The following CAPN2 variants were observed in gnomAD, a reference collection of about 807,000 sequenced individuals.
CAPN2 encodes the protein calpain-2 catalytic subunit.
In CAPN2, 92 loss-of-function variants were observed where a neutral mutation model predicts 102.3. The observed-to-expected ratio is 0.90, with a 90% CI of 0.76 to 1.07. CAPN2 has a LOEUF of 1.07. Among genes scored for constraint, CAPN2 ranks in the 50% least tolerant of loss-of-function variants. The pLI is 0.00. For synonymous variants in CAPN2, 340 were observed against 355.4 expected (o/e 0.96, Z 0.49); for missense variants, 800 against 909.4 (o/e 0.88, Z 1.55).
At chr1:223,750,842 C>G (rs943396665) in intron 6 of CAPN2, 48 bp from the exon 7 acceptor site, 2 of 1,527,320 alleles carry the variant, frequency 1.3e-6, no homozygotes, top group Middle Eastern at 1.7e-4. Context: ...CTTCATAGCC[C>G]TGACTTGAAC....
chr1:223,731,091 G>C lies in CAPN2; in HGVS notation c.308-13009G>C, dbSNP rs1252517729. ...GAGTCAGTGTGAGGATCTGGGAGGG[G>C]AACAGTAAGGGGTTAAGAGAGATAC... On this transcript the variant is annotated intron_variant, in intron 2 of 20. Coordinates refer to ENST00000295006, the MANE Select transcript of CAPN2 (RefSeq NM_001748.5). The surrounding 1 kb of genome is among the most constrained non-coding windows in gnomAD (Gnocchi z 4.2). Among the ~76,000 whole-genome samples the C allele has an allele frequency of 1.3e-5, 2 of 152,160 alleles. No homozygotes were observed. The highest frequency in any genetic ancestry group is 4.8e-5 in the African/African-American group (2 of 41,422).
intron 16 of CAPN2, among the ~76,000 whole-genome samples, chr1:223,769,319 C>T (rs1661412380): frequency 6.6e-6 from 1 of 152,096 alleles, no homozygotes; most frequent in African/African-American, 2.4e-5. Context: ...CAGGGTTTCA[C>T]CGTGTTGGCC....
rs556112273 is a variant in CAPN2, at chr1:223,744,532, TC to T, written c.426+315del. ...ATGTTTGAGACAAAAACGTTGAAGT[TC>T]TCCTCCTTTTATGCCGGTAAATGAG... is the stretch of plus-strand genomic sequence containing the variant. On this transcript the variant is annotated intron_variant, in intron 3 of 20. Coordinates refer to ENST00000295006, the MANE Select transcript of CAPN2 (RefSeq NM_001748.5). Among the ~76,000 whole-genome samples, 32 of 152,204 alleles carry T rather than the reference TC, an allele frequency of 2.1e-4. No homozygotes were observed. The South Asian group carries it at 4.1e-3, about 20-fold the overall frequency.
chr1:223,773,469 G>A (rs376403273), intron 20 of CAPN2, among the ~76,000 whole-genome samples: 2 of 152,140 alleles, frequency 1.3e-5, no homozygotes, highest in Non-Finnish European at 2.9e-5. Flanking sequence ...CAAGGCGGGC[G>A]AATCACCTGA....
chr1:223,767,172 C>A (rs930194650), intron 16 of CAPN2, among the ~76,000 whole-genome samples: 3 of 150,574 alleles, frequency 2.0e-5, no homozygotes, highest in African/African-American at 4.9e-5. Context: ...TCGTCGTCTT[C>A]TTTATTTATT....
At chr1:223,752,292 G>C (rs1660923795) in intron 8 of CAPN2, among the ~76,000 whole-genome samples, 1 of 152,180 alleles carries the variant, frequency 6.6e-6, no homozygotes, top group African/African-American at 2.4e-5. Flanking sequence ...TTTATAAGCT[G>C]AGCAGCTTCA....
intron 10 of CAPN2, among the ~76,000 whole-genome samples, chr1:223,757,007 C>T (rs896886019): frequency 6.6e-6 from 1 of 152,218 alleles, no homozygotes; most frequent in African/African-American, 2.4e-5. Context: ...GCCGGCACTG[C>T]TGGCTCCTAG....
At chr1:223,764,977 G>A (rs774087298) in intron 15 of CAPN2, among the ~76,000 whole-genome samples, 8 of 152,176 alleles carry the variant, frequency 5.3e-5, no homozygotes, top group Non-Finnish European at 8.8e-5. Flanking sequence ...AGGGAGGAGC[G>A]GGAAACACAA....
chr1:223,749,178 G>C, intron 6 of CAPN2, 56 bp downstream of exon 6: 1 of 1,492,608 alleles, frequency 6.7e-7, no homozygotes, highest in South Asian at 1.1e-5. Flanking sequence ...ATGGCCACAG[G>C]CACAGTTTGT....
At chr1:223,740,545 C>T (rs566514438) in intron 2 of CAPN2, among the ~76,000 whole-genome samples, 1 of 152,222 alleles carries the variant, frequency 6.6e-6, no homozygotes, top group African/African-American at 2.4e-5. Flanking sequence ...GAGGAAGTAA[C>T]TTGTGGAATG....
chr1:223,761,208 C>T (rs999267210), intron 12 of CAPN2, among the ~76,000 whole-genome samples: 7 of 152,228 alleles, frequency 4.6e-5, no homozygotes, highest in Non-Finnish European at 7.3e-5. Flanking sequence ...ACGCTACACG[C>T]GAAGGCTATC....
At chr1:223,753,705 C>T (rs920388613) in intron 9 of CAPN2, among the ~76,000 whole-genome samples, 4 of 152,186 alleles carry the variant, frequency 2.6e-5, no homozygotes, top group Non-Finnish European at 4.4e-5. Context: ...GTGGAAAATT[C>T]GACACTTGAC....
chr1:223,721,800 G>A (rs1660056714), intron 2 of CAPN2, among the ~76,000 whole-genome samples: 1 of 152,196 alleles, frequency 6.6e-6, no homozygotes, highest in Non-Finnish European at 1.5e-5. Flanking sequence ...CAACCCCTCT[G>A]AGCCTCAGTT....
chr1:223,746,995 A>G lies in CAPN2; in HGVS notation c.561-2A>G. The G allele has an allele frequency of 1.2e-6, 2 of 1,612,712 alleles. No individual in the cohort carries two copies. The highest frequency in any genetic ancestry group is 1.7e-6 in the Non-Finnish European group (2 of 1,179,136). ...GCGGCAGCGTCTAATCCCCTCTTGT[A>G]GGATCAACGGATGCTATGAAGCGCT... On this transcript the variant is annotated splice_acceptor_variant, in intron 4 of 20. Coordinates refer to ENST00000295006, the MANE Select transcript of CAPN2 (RefSeq NM_001748.5). LOFTEE classifies it high-confidence loss of function.
upstream of CAPN2, among the ~76,000 whole-genome samples, chr1:223,710,208 A>G (rs1290900868): frequency 6.6e-6 from 1 of 152,086 alleles, no homozygotes; most frequent in African/African-American, 2.4e-5. Context: ...CCCGGGAGGC[A>G]GAAGATGCAG....
chr1:223,702,129 G>GGAAGGAAGGAAGGAAA (rs1371703368), intron 1 of CAPN2, among the ~76,000 whole-genome samples: 4 of 142,662 alleles, frequency 2.8e-5, no homozygotes, highest in Non-Finnish European at 6.2e-5. Flanking sequence ...AAGGAAGGAA[G>GGAAGGAAGGAAGGAAA]GAAGGAAAGA....
chr1:223,709,673 A>AAAG (rs59446573), upstream of CAPN2, among the ~76,000 whole-genome samples: 12 of 151,956 alleles, frequency 7.9e-5, no homozygotes, highest in African/African-American at 2.4e-4. Flanking sequence ...AAAAAAAAAA[A>AAAG]GAGTCCATTT....
At position 223,775,554 on chromosome 1, in the gene CAPN2, T is replaced by C. The variant is rs1333153355; in HGVS notation, c.*697T>C. On this transcript the variant is annotated 3_prime_UTR_variant, in exon 21 of 21. Transcript: ENST00000295006. ...AAGACCAAAGGGATCCTGCGCTTGA[T>C]CAACTGAACCAGTATGCCAAAACCA... 6.6e-6 allele frequency: 1 copy of C among 152,550 alleles called. No individual in the cohort carries two copies. Among genetic ancestry groups the C allele is most frequent in the Non-Finnish European group, 1.5e-5 (1 of 68,046 alleles). The allele number at this position is 152,550 out of a possible 1,614,324, so 9.4% of individuals were successfully genotyped here.
chr1:223,733,597 T>TC (rs1660382892), intron 2 of CAPN2, among the ~76,000 whole-genome samples: 1 of 152,182 alleles, frequency 6.6e-6, no homozygotes, highest in Non-Finnish European at 1.5e-5. Context: ...TGGTGTGCTC[T>TC]CCGTGGGTCC....
Sources: gnomAD v4.1 joint callset for allele counts (sites outside exome capture counted in the v4.1 genomes callset) on GRCh38, gnomAD v4.1.1 for gene constraint, Gnocchi (gnomAD v3.1) non-coding constraint, MANE v1.5 for transcripts, NCBI Gene and HGNC (gene_info 2026-07-23, HGNC 2026-07-21) for gene names.